The following PSME4 variants were observed in gnomAD, a reference collection of about 807,000 sequenced individuals.
The protein encoded by PSME4 is proteasome activator subunit 4, also known as proteasome activator complex subunit 4.
PSME4 carries 89 observed loss-of-function variants against 253.9 expected under a neutral mutation model. The observed-to-expected ratio is 0.35, with a 90% CI of 0.30 to 0.42. PSME4 has a LOEUF of 0.42. Ranked by LOEUF, PSME4 falls within the 10% of genes least tolerant of loss-of-function variation. PSME4 has a pLI of 1.00. For synonymous variants in PSME4, 851 were observed against 759.2 expected, an observed-to-expected ratio of 1.12 and a Z score of -1.99; for missense variants, 2,014 against 2,195.2, an observed-to-expected ratio of 0.92 and a Z score of 1.65.
chr2:53,898,452 C>T (rs2104432578), intron 29 of PSME4, 98 bp from the exon 30 acceptor site: 1 of 930,470 alleles, frequency 1.1e-6, no homozygotes, highest in Non-Finnish European at 1.6e-6. Flanking sequence ...ACCCTCCTTC[C>T]CCACTTACTT....
intron 19 of PSME4, 148 bp downstream of exon 19, chr2:53,920,045 A>G (rs756202113): frequency 2.7e-6 from 2 of 748,128 alleles, no homozygotes; most frequent in Non-Finnish European, 4.0e-6. Context: ...CTGTTATACA[A>G]CATTATATTA....
rs1168739920 is a variant in PSME4, at chr2:53,898,281, C to T, written c.3476+20G>A. On this transcript the variant is annotated intron_variant, in intron 30 of 46. Coordinates refer to ENST00000404125, the MANE Select transcript of PSME4 (RefSeq NM_014614.3). ...TTTATGAAAAATGCTGTGAGAATTA[C>T]AAAAATCTTTTGCACTTACAGGTTT... 1.9e-6 allele frequency: 3 copies of T among 1,593,464 alleles called. No homozygotes were observed. The highest frequency in any genetic ancestry group is 1.4e-5 in the African/African-American group (1 of 73,860).
At position 53,864,577 on chromosome 2, in the gene PSME4, A is replaced by G. The variant is rs1678481176; in HGVS notation, c.*1001T>C. On this transcript the variant is annotated 3_prime_UTR_variant, in exon 47 of 47. Coordinates refer to ENST00000404125, the MANE Select transcript of PSME4 (RefSeq NM_014614.3). ...GTGAATCTTTACAAATTACACAATG[A>G]TGTTGTGTAAAAGGTTGCATCTGTA... The G allele has an allele frequency of 6.6e-6, 1 of 152,642 alleles. No homozygotes were observed. The highest frequency in any genetic ancestry group is 2.4e-5 in the African/African-American group (1 of 41,456). 9.5% of individuals were successfully genotyped at this position (152,642 alleles called of 1,614,324 possible).
chr2:53,967,679 A>AAAAAAG (rs1670808609), intron 1 of PSME4, among the ~76,000 whole-genome samples: 1 of 139,944 alleles, frequency 7.1e-6, no homozygotes, highest in African/African-American at 2.8e-5. Context: ...AAAAAAAAAA[A>AAAAAAG]GTCAAAAAGA....
At chr2:53,925,470 G>A (rs2104454971) in intron 14 of PSME4, 69 bp downstream of exon 14, 1 of 1,344,966 alleles carries the variant, frequency 7.4e-7, no homozygotes, top group Middle Eastern at 2.0e-4. Context: ...AAAGTAACTT[G>A]AAGTCAATTT....
chr2:53,896,823 G>T lies in PSME4; in HGVS notation c.3669C>A (p.Thr1223=), dbSNP rs1455222182. 1 of 1,608,904 alleles carries T rather than the reference G, an allele frequency of 6.2e-7. No homozygotes were observed. The change falls in exon 32 of 47, where the codon ACC becomes ACA. Residue 1223 remains threonine (T), a synonymous_variant. Coordinates refer to ENST00000404125, the MANE Select transcript of PSME4 (RefSeq NM_014614.3). ...ACTCACTGATTTCACAGGGGTTAATGGTCAGCTTTTTGTGGGTTCTTTTTA... is the reference window on the plus strand; with the variant it reads ...ACTCACTGATTTCACAGGGGTTAATTGTCAGCTTTTTGTGGGTTCTTTTTA... The part of the protein sequence containing the change: ...KQLKRTHKKL[T]INPCEISGCP...
chr2:53,950,853 A>G (rs529668837), intron 1 of PSME4, among the ~76,000 whole-genome samples: 53 of 151,728 alleles, frequency 3.5e-4, no homozygotes, highest in African/African-American at 8.0e-4. Context: ...AAAAAAAAAA[A>G]AAAAGAAAAG....
intron 8 of PSME4, 98 bp downstream of exon 8, chr2:53,934,507 A>T: frequency 8.0e-7 from 1 of 1,250,488 alleles, no homozygotes; most frequent in Admixed American, 2.1e-5. Flanking sequence ...GTCACCAACC[A>T]AGCCACTATT....
intron 26 of PSME4, among the ~76,000 whole-genome samples, chr2:53,905,178 T>C (rs913828516): frequency 5.3e-5 from 8 of 151,132 alleles, no homozygotes; most frequent in African/African-American, 7.3e-5. Flanking sequence ...TATAGGCGCA[T>C]GCCACCACGC....
In PSME4 at chr2:53,919,202, A is replaced by T. The variant is rs1668191297; in HGVS notation, c.2465T>A (p.Ile822Asn). Reference protein sequence around the residue: ...QSLTIVHNCLIGSGNLLPPLK... With the variant: ...QSLTIVHNCLNGSGNLLPPLK... ...CGGAGGTAGGAGGTTTCCAGAGCCA[A>T]TTAAACAGTTGTGCACTATAGTCAG... The change falls in exon 20 of 47, where the codon ATT becomes AAT. Residue 822 changes from isoleucine to asparagine, a missense_variant. Coordinates refer to ENST00000404125, the MANE Select transcript of PSME4 (RefSeq NM_014614.3). The T allele has an allele frequency of 6.2e-7, 1 of 1,612,364 alleles. No individual in the cohort carries two copies. Among genetic ancestry groups the T allele is most frequent in the Non-Finnish European group, 8.5e-7 (1 of 1,179,330 alleles).
rs1158452002 is a variant in PSME4 at position 53,970,748 on chromosome 2, G to A, written c.37C>T (p.Pro13Ser). Residue 13 changes from proline to serine, a missense_variant, in exon 1 of 47, where the codon CCG becomes TCG. Pro to Ser is a moderately conservative substitution (Grantham distance 74, BLOSUM62 -1). This residue lies in a region of PSME4 where 615 missense variants were observed against 594.4 expected (regional missense o/e 1.03). Coordinates refer to ENST00000404125, the MANE Select transcript of PSME4 (RefSeq NM_014614.3). Reference protein sequence around the residue: ...PAERAGVGEPPEPGGRPEPGP... With the variant: ...PAERAGVGEPSEPGGRPEPGP... Reference sequence around the variant, plus strand: ...GGCTCGGGACGCCCGCCCGGCTCCGGGGGCTCTCCGACTCCCGCCCGCTCG... The same window carrying A: ...GGCTCGGGACGCCCGCCCGGCTCCGAGGGCTCTCCGACTCCCGCCCGCTCG... The A allele has an allele frequency of 1.3e-6, 2 of 1,545,184 alleles. No homozygotes were observed. Among genetic ancestry groups the A allele is most frequent in the Non-Finnish European group, 1.7e-6 (2 of 1,145,242 alleles).
chr2:53,878,788 G>A (rs1400173900), intron 41 of PSME4, among the ~76,000 whole-genome samples: 3 of 152,204 alleles, frequency 2.0e-5, no homozygotes, highest in Non-Finnish European at 4.4e-5. Context: ...CTGATAAGAT[G>A]TTATCAATGA....
Position 53,864,388 on chromosome 2 carries a change from A to C in PSME4, c.*1190T>G, listed in dbSNP as rs1678471839. 6.6e-6 allele frequency: 1 copy of C among 152,602 alleles called. No individual in the cohort carries two copies. Among genetic ancestry groups the C allele is most frequent in the Non-Finnish European group, 1.5e-5 (1 of 68,030 alleles). 9.5% of individuals were successfully genotyped at this position (152,602 alleles called of 1,614,324 possible). A position where few individuals can be genotyped will look rare whatever the true frequency, so the allele number is the denominator to read the frequency against. On this transcript the variant is annotated 3_prime_UTR_variant, in exon 47 of 47. Transcript: ENST00000404125. ...GGTGTTAGCATTGAGAGATGCACAC[A>C]AAAATGTTACATAAAAGTTCAGACA...
intron 1 of PSME4, among the ~76,000 whole-genome samples, chr2:53,966,915 G>C (rs555091611): frequency 1.4e-4 from 22 of 152,184 alleles, no homozygotes; most frequent in African/African-American, 5.3e-4. Context: ...GGTCAGGCTG[G>C]TCTCGAACTC....
intron 34 of PSME4, among the ~76,000 whole-genome samples, chr2:53,894,156 A>G (rs1333949350): frequency 1.3e-5 from 2 of 152,254 alleles, no homozygotes; most frequent in East Asian, 1.9e-4. Context: ...AATCACTTCC[A>G]TATTTACCTA....
rs141788351 is a variant in PSME4 at position 53,903,681 on chromosome 2, A to G, written c.3075+344T>C. ...CATATGCCAGCCAGGCTACTTGGCC[A>G]CTAGCACTCAAGTTAAACAATTATT... On this transcript the variant is annotated intron_variant, in intron 27 of 46. Transcript: ENST00000404125. 6.6e-5 allele frequency among the ~76,000 whole-genome samples: 10 copies of G among 152,270 alleles called. No individual in the cohort carries two copies. In the East Asian group the frequency reaches 1.9e-3, roughly 29 times the overall value.
intron 44 of PSME4, among the ~76,000 whole-genome samples, chr2:53,868,589 A>AAT (rs542187105): frequency 2.3e-5 from 3 of 132,562 alleles, no homozygotes; most frequent in Non-Finnish European, 3.1e-5. Context: ...ATATATTTAT[A>AAT]ATATATATAT....
chr2:53,921,474 T>C (rs1432931086), intron 17 of PSME4, among the ~76,000 whole-genome samples: 1 of 151,002 alleles, frequency 6.6e-6, no homozygotes, highest in Non-Finnish European at 1.5e-5. Context: ...CTCTAACTCC[T>C]GACCTAGTGA....
chr2:53,898,655 AC>A (rs1339320820), intron 29 of PSME4, among the ~76,000 whole-genome samples: 7 of 151,958 alleles, frequency 4.6e-5, no homozygotes, highest in African/African-American at 1.7e-4. Context: ...ACACACACAC[AC>A]ACACACACAC....
Sources: gnomAD v4.1 joint callset for allele counts (sites outside exome capture counted in the v4.1 genomes callset) on GRCh38, gnomAD v4.1.1 for gene constraint, gnomAD v4.1.1 regional missense constraint, MANE v1.5 for transcripts, NCBI Gene and HGNC (gene_info 2026-07-23, HGNC 2026-07-21) for gene names.